The following ANO4 variants were observed in gnomAD, a reference collection of about 807,000 sequenced individuals.
ANO4 encodes anoctamin-4.
Under a neutral mutation model 141.9 loss-of-function variants are expected in ANO4, and 69 were observed. That is an observed-to-expected ratio of 0.49 (90% CI 0.40 to 0.59). ANO4 has a LOEUF of 0.59. ANO4 is among the 20% of genes least tolerant of loss of function. ANO4 has a pLI of 0.00. For synonymous variants in ANO4, 350 were observed against 394.3 expected, an observed-to-expected ratio of 0.89 and a Z score of 1.33; for missense variants, 894 against 1,162.2, an observed-to-expected ratio of 0.77 and a Z score of 3.36.
At chr12:100,875,430 G>A (rs1470225363) in intron 1 of ANO4, among the ~76,000 whole-genome samples, 2 of 152,190 alleles carry the variant, frequency 1.3e-5, no homozygotes, top group Non-Finnish European at 2.9e-5. Flanking sequence ...CTACAAGGGA[G>A]CCTAGAAATG....
chr12:101,097,644 G>T lies in ANO4; in HGVS notation c.1851-7G>T. The T allele has an allele frequency of 6.2e-7, 1 of 1,613,592 alleles. No individual in the cohort carries two copies. The highest frequency in any genetic ancestry group is 1.1e-5 in the South Asian group (1 of 91,074). On this transcript the variant is annotated splice_polypyrimidine_tract_variant and splice_region_variant and intron_variant, in intron 19 of 27. Coordinates refer to ENST00000392977, the MANE Select transcript of ANO4 (RefSeq NM_001286615.2). ...ACTAATGGCTTGTTTTTCTCTGTGT[G>T]TTGAAGATTTACAGGACACCCAGGT...
intron 1 of ANO4, among the ~76,000 whole-genome samples, chr12:100,849,894 A>G (rs531523780): frequency 7.8e-4 from 119 of 152,176 alleles, no homozygotes; most frequent in Non-Finnish European, 3.5e-4. Flanking sequence ...TTGTTCTGTT[A>G]ATTGTCACCA....
intron 1 of ANO4, among the ~76,000 whole-genome samples, chr12:100,797,725 T>G (rs186231867): frequency 1.3e-5 from 2 of 152,222 alleles, no homozygotes; most frequent in African/African-American, 4.8e-5. Flanking sequence ...GTGGTTTAAT[T>G]TGAAACTTGC....
chr12:101,059,008 T>C (rs187353396), intron 14 of ANO4, among the ~76,000 whole-genome samples: 6 of 152,302 alleles, frequency 3.9e-5, no homozygotes, highest in African/African-American at 1.4e-4. Flanking sequence ...TTGTCATAAA[T>C]AGCTCTTATT....
At chr12:101,122,603 G>A (rs1157535079) in intron 26 of ANO4, among the ~76,000 whole-genome samples, 2 of 152,072 alleles carry the variant, frequency 1.3e-5, no homozygotes, top group African/African-American at 4.8e-5. Context: ...TCTGCATATG[G>A]ATAGCCAGTT....
chr12:100,828,669 A>C (rs539394837), intron 1 of ANO4, among the ~76,000 whole-genome samples: 1 of 152,140 alleles, frequency 6.6e-6, no homozygotes, highest in Non-Finnish European at 1.5e-5. Context: ...CCAGGAGGTA[A>C]GCAGGAATCA....
chr12:101,048,397 C>G lies in ANO4; in HGVS notation c.1308C>G (p.Val436=). 1 of 1,613,496 alleles carries G rather than the reference C, an allele frequency of 6.2e-7. No individual in the cohort carries two copies. Among genetic ancestry groups the G allele is most frequent in the Non-Finnish European group, 8.5e-7 (1 of 1,179,592 alleles). The change falls in exon 14 of 28, where the codon GTC becomes GTG. Residue 436 remains valine, a synonymous_variant. Transcript: ENST00000392977. ...TCTTCTTTGCTGTTTTCATGGCAGT[C>G]TGGGGTAAGTGTTCTATAACCATAA... ...ATVFFAVFMA[V]WATVFLEFWK...
chr12:100,824,475 A>T (rs2036220704), intron 1 of ANO4, among the ~76,000 whole-genome samples: 2 of 152,164 alleles, frequency 1.3e-5, no homozygotes, highest in South Asian at 2.1e-4. Flanking sequence ...TTTAGTTTAA[A>T]TTTGTAGATA....
At chr12:100,851,728 TA>T (rs2037881342) in intron 1 of ANO4, among the ~76,000 whole-genome samples, 1 of 151,924 alleles carries the variant, frequency 6.6e-6, no homozygotes, top group Non-Finnish European at 1.5e-5. Flanking sequence ...GTGAATCAAG[TA>T]GGGGGTATGT....
chr12:100,970,243 T>C (rs1296268284), intron 5 of ANO4, among the ~76,000 whole-genome samples: 1 of 152,228 alleles, frequency 6.6e-6, no homozygotes, highest in East Asian at 1.9e-4. Context: ...TTATTCTCTA[T>C]GAAACAGCCA....
intron 16 of ANO4, among the ~76,000 whole-genome samples, chr12:101,084,231 A>G (rs1056082533): frequency 6.6e-6 from 1 of 152,230 alleles, no homozygotes; most frequent in African/African-American, 2.4e-5. Flanking sequence ...AAGCAAGTAG[A>G]TGTATAAAAC....
chr12:100,913,079 C>T (rs2041185603), intron 2 of ANO4, among the ~76,000 whole-genome samples: 1 of 152,020 alleles, frequency 6.6e-6, no homozygotes, highest in Non-Finnish European at 1.5e-5. Flanking sequence ...TGCTGAGTAA[C>T]AACATTATTT....
At chr12:100,765,916 T>A (rs2033063208) in intron 3 of ANO4, among the ~76,000 whole-genome samples, 1 of 151,890 alleles carries the variant, frequency 6.6e-6, no homozygotes, top group African/African-American at 2.4e-5. Context: ...AGTTTTGAAA[T>A]ATACAATGTG....
chr12:100,905,445 G>A (rs1006705529), intron 2 of ANO4, among the ~76,000 whole-genome samples: 5 of 151,998 alleles, frequency 3.3e-5, no homozygotes, highest in African/African-American at 1.2e-4. Context: ...AATTACAAAA[G>A]TTTATCAAGA....
In ANO4 at chr12:100,869,976, C is replaced by A. The variant is rs187165792; in HGVS notation, c.-140-31670C>A. Among the ~76,000 whole-genome samples the A allele has an allele frequency of 1.5e-3, 225 of 152,234 alleles. 1 individual carries two copies. The highest frequency in any genetic ancestry group is 5.3e-3 in the African/African-American group (222 of 41,552). ...TTATTTGTTTTCTGTTTTTTCCTGGCAAAGTGGTTCTACCTGTGTTTCTCA... is the reference window on the plus strand; with the variant it reads ...TTATTTGTTTTCTGTTTTTTCCTGGAAAAGTGGTTCTACCTGTGTTTCTCA... On this transcript the variant is annotated intron_variant, in intron 1 of 27. Transcript: ENST00000392977.
chr12:100,990,854 T>A (rs767751741), intron 8 of ANO4, among the ~76,000 whole-genome samples: 71 of 152,206 alleles, frequency 4.7e-4, no homozygotes, highest in Admixed American at 2.0e-4. Context: ...CAGTAACGTG[T>A]GTATAAATGA....
intron 1 of ANO4, among the ~76,000 whole-genome samples, chr12:100,881,193 G>A (rs1288354239): frequency 6.6e-6 from 1 of 151,792 alleles, no homozygotes; most frequent in Admixed American, 6.6e-5. Flanking sequence ...TAAATGACGA[G>A]TTAATGGGTA....
At chr12:101,068,757 C>A in intron 14 of ANO4, 1 of 1,273,234 alleles carries the variant, frequency 7.9e-7, no homozygotes, top group Non-Finnish European at 1.1e-6. Context: ...ACTATATTCA[C>A]ACTGCAGCCT....
intron 1 of ANO4, among the ~76,000 whole-genome samples, chr12:100,895,716 C>G (rs2040317599): frequency 6.6e-6 from 1 of 151,842 alleles, no homozygotes. Flanking sequence ...CACCCACCAC[C>G]ATGCCCAGCT....
Sources: allele counts gnomAD v4.1 joint callset (sites outside exome capture counted in the v4.1 genomes callset), GRCh38; gene constraint gnomAD v4.1.1; transcripts MANE v1.5; gene names NCBI Gene and HGNC (gene_info 2026-07-23, HGNC 2026-07-21).